NF1: variants seen among roughly 807,000 people sequenced by gnomAD.
NF1 encodes the protein neurofibromin.
NF1 carries 122 observed loss-of-function variants against 325.7 expected under a neutral mutation model. That is an observed-to-expected ratio of 0.37 (90% CI 0.32 to 0.44). The LOEUF (loss-of-function observed/expected upper bound fraction) is 0.44, where lower values mean the gene tolerates loss of function less well. Ranked by LOEUF, NF1 falls within the 20% of genes least tolerant of loss-of-function variation. The probability of loss-of-function intolerance (pLI) is 1.00; values close to 1 mark genes in which losing one functional copy is unlikely to be tolerated. For synonymous variants in NF1, 1,091 were observed against 1,186.0 expected, an observed-to-expected ratio of 0.92 and a Z score of 1.65; for missense variants, 2,140 against 3,415.4, an observed-to-expected ratio of 0.63 and a Z score of 9.31.
chr17:31,203,857 T>G (rs1376768298), intron 11 of NF1, among the ~76,000 whole-genome samples: 1 of 152,092 alleles, frequency 6.6e-6, no homozygotes, highest in Non-Finnish European at 1.5e-5. Flanking sequence ...AGTAGTAAGG[T>G]GTTTGGAGTT....
chr17:31,181,664 G>A (rs2143776510), intron 6 of NF1, 46 bp from the exon 7 acceptor site: 2 of 1,415,152 alleles, frequency 1.4e-6, no homozygotes, highest in Non-Finnish European at 2.0e-6. Context: ...TTTATTTACT[G>A]TATTACAAAA....
At chr17:31,345,382 C>T (rs1159715577) in intron 48 of NF1, 17 of 1,230,596 alleles carry the variant, frequency 1.4e-5, no homozygotes, top group African/African-American at 3.0e-5. Flanking sequence ...TCTCCTTCCC[C>T]CTGTAGGGGC....
rs2151582238 is a variant in NF1 at position 31,356,985 on chromosome 17, A to G, written c.7764A>G (p.Gln2588=). 1 of 1,613,948 alleles carries G rather than the reference A, an allele frequency of 6.2e-7. No homozygotes were observed. Among genetic ancestry groups the G allele is most frequent in the Non-Finnish European group, 8.5e-7 (1 of 1,179,944 alleles). ...EMETQRISSS[Q]QHPHLRKVSV... ...AAACTCAGAGGATTTCCTCATCACA[A>G]CAGCACCCACATTTACGTAAAGTTT... Residue 2588 remains glutamine, a synonymous_variant, in exon 53 of 58, where the codon CAA becomes CAG. Coordinates refer to ENST00000358273, the MANE Select transcript of NF1 (RefSeq NM_001042492.3).
intron 11 of NF1, among the ~76,000 whole-genome samples, chr17:31,202,113 T>C (rs1324334303): frequency 6.6e-6 from 1 of 152,232 alleles, no homozygotes; most frequent in Non-Finnish European, 1.5e-5. Flanking sequence ...CTCTGTCTGA[T>C]GTGGAGACAT....
At chr17:31,155,917 G>GT in intron 1 of NF1, 66 bp from the exon 2 acceptor site, 1 of 1,553,826 alleles carries the variant, frequency 6.4e-7, no homozygotes, top group Non-Finnish European at 8.7e-7. Context: ...TCAATGGCAA[G>GT]TAAGTTATTT....
chr17:31,236,042 G>T (rs2151438748), intron 29 of NF1, 21 bp downstream of exon 29: 1 of 1,546,138 alleles, frequency 6.5e-7, no homozygotes, highest in Non-Finnish European at 8.8e-7. Context: ...TTTTCACATA[G>T]AACCGCTGTT....
chr17:31,353,935 A>G (rs1197185748), intron 51 of NF1, among the ~76,000 whole-genome samples: 1 of 152,260 alleles, frequency 6.6e-6, no homozygotes, highest in African/African-American at 2.4e-5. Context: ...TACTAGCCAC[A>G]TAGGTGTGTT....
At chr17:31,180,820 A>G (rs954359929) in intron 5 of NF1, among the ~76,000 whole-genome samples, 1 of 152,234 alleles carries the variant, frequency 6.6e-6, no homozygotes, top group South Asian at 2.1e-4. Flanking sequence ...CTGTTTGCAG[A>G]TGACATGGTT....
chr17:31,322,194 A>G (rs1214871406), intron 36 of NF1, among the ~76,000 whole-genome samples: 2 of 151,994 alleles, frequency 1.3e-5, no homozygotes, highest in East Asian at 1.9e-4. Context: ...AGAACTAGGT[A>G]TGGGCTGAAC....
rs1017529666 is a variant in NF1, at chr17:31,278,619, A to AT, written c.4835+13292dup. On this transcript the variant is annotated intron_variant, in intron 36 of 57. Coordinates refer to ENST00000358273, the MANE Select transcript of NF1 (RefSeq NM_001042492.3). ...TCATTCATTCGTTTATTTTTTTATT[A>AT]TTTTTTTTTTTTGAGACAGAGTTTC... Among the ~76,000 whole-genome samples the AT allele has an allele frequency of 7.5e-3, 856 of 113,594 alleles. 4 individuals carry two copies. The highest frequency in any genetic ancestry group is 0.015 in the African/African-American group (476 of 31,276). 74.5% of individuals were successfully genotyped at this position (113,594 alleles called of 152,430 possible).
chr17:31,269,183 C>T (rs2067846094), intron 36 of NF1, among the ~76,000 whole-genome samples: 3 of 152,156 alleles, frequency 2.0e-5, no homozygotes, highest in Admixed American at 2.0e-4. Flanking sequence ...GTAATCTTAA[C>T]ATTTCTTCTG....
At chr17:31,113,003 G>T (rs1913557511) in intron 1 of NF1, among the ~76,000 whole-genome samples, 1 of 152,052 alleles carries the variant, frequency 6.6e-6, no homozygotes, top group Non-Finnish European at 1.5e-5. Flanking sequence ...AAAATATCAA[G>T]TCAGGTAGTA....
intron 5 of NF1, among the ~76,000 whole-genome samples, chr17:31,175,345 CTTTTTTTTTTT>C (rs869113407): frequency 2.8e-5 from 2 of 71,348 alleles, no homozygotes; most frequent in Admixed American, 2.1e-4. Context: ...TGTGCTTTTG[CTTTTTTTTTTT>C]TTTTTTTTTT....
intron 57 of NF1, among the ~76,000 whole-genome samples, chr17:31,363,133 G>A (rs937994081): frequency 6.6e-6 from 1 of 152,114 alleles, no homozygotes; most frequent in Non-Finnish European, 1.5e-5. Context: ...GTGGTATTGT[G>A]GTGTTCAACT....
chr17:31,368,317 T>A (rs1477623075), intron 57 of NF1, among the ~76,000 whole-genome samples: 1 of 152,104 alleles, frequency 6.6e-6, no homozygotes, highest in Non-Finnish European at 1.5e-5. Context: ...TTTTTGTATT[T>A]TCAGTAGAGA....
intron 1 of NF1, 116 bp downstream of exon 1, chr17:31,095,485 G>A: frequency 1.1e-6 from 1 of 875,668 alleles, no homozygotes. Flanking sequence ...TGGAGGAAAG[G>A]AAGGGAAGGG....
intron 4 of NF1, among the ~76,000 whole-genome samples, chr17:31,168,568 T>C (rs2065882022): frequency 6.6e-6 from 1 of 152,180 alleles, no homozygotes; most frequent in African/African-American, 2.4e-5. Flanking sequence ...CCATGCTGTT[T>C]ATTTGTTGGA....
chr17:31,329,491 T>C (rs545547487), intron 38 of NF1, among the ~76,000 whole-genome samples: 121 of 152,274 alleles, frequency 7.9e-4, no homozygotes, highest in African/African-American at 2.7e-3. Flanking sequence ...CATTCAGAGG[T>C]AAGGAAAACC....
At chr17:31,359,484 G>C in intron 56 of NF1, 1 of 187,882 alleles carries the variant, frequency 5.3e-6, no homozygotes, top group Non-Finnish European at 1.1e-5. Flanking sequence ...TTTGTGAGAC[G>C]GAGTCTCACT....
Sources: allele counts gnomAD v4.1 joint callset (sites outside exome capture counted in the v4.1 genomes callset), GRCh38; gene constraint gnomAD v4.1.1; transcripts MANE v1.5; gene names NCBI Gene and HGNC (gene_info 2026-07-23, HGNC 2026-07-21).